The following NRXN3 variants were observed in gnomAD, a reference collection of about 807,000 sequenced individuals.
NRXN3 encodes neurexin 3, also known as neurexin III.
A neutral mutation model predicts 137.6 loss-of-function variants in NRXN3; 32 were observed. The observed-to-expected ratio is 0.23, with a 90% CI of 0.18 to 0.31. NRXN3 has a LOEUF of 0.31. NRXN3 is among the 10% of genes least tolerant of loss of function. The pLI, the probability that NRXN3 is intolerant of heterozygous loss-of-function variation, is 1.00. For missense variants in NRXN3, 1,574 were observed against 2,062.5 expected (o/e 0.76, Z 4.59); for synonymous variants, 798 against 784.5 (o/e 1.02, Z -0.29).
At chr14:78,236,959 T>C (rs1033300494) in intron 1 of NRXN3, among the ~76,000 whole-genome samples, 3 of 152,234 alleles carry the variant, frequency 2.0e-5, no homozygotes, top group African/African-American at 7.2e-5. Flanking sequence ...GTGCTGACTA[T>C]GTGAGCTTGC....
At chr14:78,968,847 A>T (rs753419188) in intron 14 of NRXN3, among the ~76,000 whole-genome samples, 6 of 152,220 alleles carry the variant, frequency 3.9e-5, no homozygotes, top group Admixed American at 3.9e-4. Context: ...ATGGAAGGGA[A>T]CTAACATTTA....
At chr14:78,186,515 T>A (rs894768072) in intron 1 of NRXN3, among the ~76,000 whole-genome samples, 8 of 152,274 alleles carry the variant, frequency 5.3e-5, no homozygotes, top group African/African-American at 1.9e-4. Context: ...TCAGAATCGC[T>A]GCGCTGGTTT....
chr14:78,905,475 G>A (rs76132877), intron 10 of NRXN3, among the ~76,000 whole-genome samples: 2,539 of 151,238 alleles, frequency 0.017, 65 homozygotes, highest in African/African-American at 0.058. Flanking sequence ...TTGAATAAAA[G>A]TCTAACTGTT....
intron 10 of NRXN3, among the ~76,000 whole-genome samples, chr14:78,838,311 T>G (rs1160631627): frequency 2.0e-5 from 3 of 152,200 alleles, no homozygotes; most frequent in Non-Finnish European, 4.4e-5. Context: ...ACAACCTCAC[T>G]TAAAAATATT....
At chr14:79,526,253 G>T (rs917161195) in intron 16 of NRXN3, among the ~76,000 whole-genome samples, 14 of 152,220 alleles carry the variant, frequency 9.2e-5, no homozygotes, top group African/African-American at 3.4e-4. Flanking sequence ...CTTCATGTTG[G>T]TCAGGCTGGT....
At chr14:79,216,665 GTCTT>G (rs1327630568) in intron 15 of NRXN3, among the ~76,000 whole-genome samples, 1 of 152,110 alleles carries the variant, frequency 6.6e-6, no homozygotes, top group Non-Finnish European at 1.5e-5. Context: ...TTGAAACATT[GTCTT>G]TCTTCACCTT....
chr14:79,358,917 G>A (rs1405173447), intron 15 of NRXN3, among the ~76,000 whole-genome samples: 10 of 152,148 alleles, frequency 6.6e-5, no homozygotes. Context: ...CTAGGGCAAA[G>A]GGGAAAAATG....
intron 15 of NRXN3, among the ~76,000 whole-genome samples, chr14:79,202,775 A>G (rs746259063): frequency 1.5e-4 from 23 of 152,030 alleles, no homozygotes; most frequent in Non-Finnish European, 3.2e-4. Flanking sequence ...TTATCCACTC[A>G]TTGATTAATG....
intron 4 of NRXN3, among the ~76,000 whole-genome samples, chr14:78,494,920 G>A (rs1437294644): frequency 6.6e-6 from 1 of 152,028 alleles, no homozygotes; most frequent in African/African-American, 2.4e-5. Context: ...AATCAGACTG[G>A]CCTCTTGATA....
At chr14:78,263,700 C>T (rs1460976524) in intron 2 of NRXN3, among the ~76,000 whole-genome samples, 2 of 152,142 alleles carry the variant, frequency 1.3e-5, no homozygotes, top group African/African-American at 4.8e-5. Context: ...ATTTTACCGA[C>T]ACGGCTTCTA....
rs142266359 is a variant in NRXN3, at chr14:78,980,175, C to A, written c.3143-7847C>A. On this transcript the variant is annotated intron_variant, in intron 14 of 20. Transcript: ENST00000335750. ...TTAAAGTTAGTGAATGTTGATAGAT[C>A]AGCCTCACCTGGTCCCCACTCCTGG... 2.5e-3 allele frequency among the ~76,000 whole-genome samples: 384 copies of A among 152,336 alleles called. 1 individual carries two copies. Among genetic ancestry groups the A allele is most frequent in the African/African-American group, 8.8e-3 (366 of 41,588 alleles).
chr14:79,860,485 T>C (rs2099411966), intron 20 of NRXN3, among the ~76,000 whole-genome samples: 1 of 152,212 alleles, frequency 6.6e-6, no homozygotes, highest in Non-Finnish European at 1.5e-5. Flanking sequence ...AGGACTGTGA[T>C]TAATAAGTGT....
chr14:78,347,350 C>T (rs1305284693), intron 4 of NRXN3, among the ~76,000 whole-genome samples: 1 of 152,172 alleles, frequency 6.6e-6, no homozygotes, highest in East Asian at 1.9e-4. Context: ...TGTTTTTCTT[C>T]TTTTGATAGT....
At chr14:78,306,805 T>C (rs2077415142) in intron 4 of NRXN3, among the ~76,000 whole-genome samples, 1 of 152,158 alleles carries the variant, frequency 6.6e-6, no homozygotes, top group Non-Finnish European at 1.5e-5. Flanking sequence ...CAAATATTGA[T>C]GGAGAGCCAA....
intron 20 of NRXN3, among the ~76,000 whole-genome samples, chr14:79,842,049 C>G (rs1271523915): frequency 1.3e-5 from 2 of 152,194 alleles, no homozygotes. Context: ...AACAGAAAAA[C>G]AGAGTGGGCT....
chr14:78,865,692 G>A (rs1486732434), intron 10 of NRXN3, among the ~76,000 whole-genome samples: 1 of 152,098 alleles, frequency 6.6e-6, no homozygotes, highest in East Asian at 1.9e-4. Context: ...ATTTATTAAA[G>A]TGAATATCTC....
At chr14:78,749,052 A>G (rs1031288447) in intron 8 of NRXN3, among the ~76,000 whole-genome samples, 2 of 152,200 alleles carry the variant, frequency 1.3e-5, no homozygotes, top group Non-Finnish European at 2.9e-5. Flanking sequence ...CAAAACATCA[A>G]ATAAGAGAGT....
At chr14:79,624,791 GT>G (rs56285610) in intron 16 of NRXN3, among the ~76,000 whole-genome samples, 18,724 of 120,992 alleles carry the variant, frequency 0.15, 1,403 homozygotes, top group South Asian at 0.28. Context: ...TTTCTTTCCC[GT>G]TTTTTTTTTT....
At chr14:79,508,390 A>ATTTTTCTTT (rs1555494790) in intron 16 of NRXN3, among the ~76,000 whole-genome samples, 1 of 48,240 alleles carries the variant, frequency 2.1e-5, no homozygotes, top group African/African-American at 7.3e-5. Context: ...ACAATAACTG[A>ATTTTTCTTT]TTTTTTTTTT....
Sources: gnomAD v4.1 joint callset for allele counts (sites outside exome capture counted in the v4.1 genomes callset) on GRCh38, gnomAD v4.1.1 for gene constraint, MANE v1.5 for transcripts, NCBI Gene and HGNC (gene_info 2026-07-23, HGNC 2026-07-21) for gene names.